The following NRXN3 variants were observed in gnomAD, a reference collection of about 807,000 sequenced individuals.
NRXN3 encodes neurexin 3, also known as neurexin III.
In NRXN3, 32 loss-of-function variants were observed where a neutral mutation model predicts 137.6. That is an observed-to-expected ratio of 0.23 (90% CI 0.18 to 0.31). The LOEUF (loss-of-function observed/expected upper bound fraction) is 0.31, where lower values mean the gene tolerates loss of function less well. Among genes scored for constraint, NRXN3 ranks in the 10% least tolerant of loss-of-function variants. NRXN3 has a pLI of 1.00. For synonymous variants in NRXN3, 798 were observed against 784.5 expected, an observed-to-expected ratio of 1.02 and a Z score of -0.29; for missense variants, 1,574 against 2,062.5, an observed-to-expected ratio of 0.76 and a Z score of 4.59.
chr14:79,159,714 T>C (rs980932222), intron 15 of NRXN3, among the ~76,000 whole-genome samples: 3 of 151,796 alleles, frequency 2.0e-5, no homozygotes, highest in Admixed American at 2.0e-4. Context: ...CACCATAAAT[T>C]TCATGTCTGT....
chr14:78,543,337 G>A (rs1012215563), intron 4 of NRXN3, among the ~76,000 whole-genome samples: 2 of 152,178 alleles, frequency 1.3e-5, no homozygotes, highest in African/African-American at 4.8e-5. Context: ...TTCTAGAGAG[G>A]AAGTCTTGAG....
intron 4 of NRXN3, among the ~76,000 whole-genome samples, chr14:78,335,202 T>C (rs989801637): frequency 6.6e-6 from 1 of 152,198 alleles, no homozygotes; most frequent in Non-Finnish European, 1.5e-5. Context: ...ATAAAAATAA[T>C]TGGGCAATGT....
chr14:79,048,504 T>C (rs2152561825), intron 15 of NRXN3, among the ~76,000 whole-genome samples: 1 of 152,340 alleles, frequency 6.6e-6, no homozygotes, highest in East Asian at 1.9e-4. Flanking sequence ...ATGTTGACAC[T>C]ATTCTGTAGT....
At chr14:79,844,402 A>C (rs1300006162) in intron 20 of NRXN3, among the ~76,000 whole-genome samples, 1 of 151,390 alleles carries the variant, frequency 6.6e-6, no homozygotes, top group Non-Finnish European at 1.5e-5. Context: ...GATCCATTAG[A>C]AGAATCACTA....
chr14:79,303,111 C>T (rs1474113963), intron 15 of NRXN3, among the ~76,000 whole-genome samples: 2 of 151,968 alleles, frequency 1.3e-5, no homozygotes, highest in Non-Finnish European at 2.9e-5. Flanking sequence ...GAATCCAAAC[C>T]CCCAAAGCTT....
Position 79,726,225 on chromosome 14 carries a change from G to A in NRXN3, c.4014+28288G>A, listed in dbSNP as rs78266811. On this transcript the variant is annotated intron_variant, in intron 19 of 20. Coordinates refer to ENST00000335750, the MANE Select transcript of NRXN3 (RefSeq NM_001330195.2). ...AGTCATGTGACTTAGAGAATTAAAT[G>A]TAGGGCTCTAGCAAGGATTTGCTTT... Among the ~76,000 whole-genome samples, 333 of 152,286 alleles carry A rather than the reference G, an allele frequency of 2.2e-3. 8 individuals carry two copies. The East Asian group carries it at 0.04, about 18-fold the overall frequency.
chr14:78,953,570 C>T (rs1242456383), intron 10 of NRXN3, among the ~76,000 whole-genome samples: 2 of 152,126 alleles, frequency 1.3e-5, no homozygotes, highest in African/African-American at 4.8e-5. Context: ...CTCTGTTCTA[C>T]AATAGTAAAC....
At chr14:78,895,552 A>G (rs1459614798) in intron 10 of NRXN3, among the ~76,000 whole-genome samples, 2 of 151,866 alleles carry the variant, frequency 1.3e-5, no homozygotes, top group Non-Finnish European at 2.9e-5. Context: ...TAACTTTCTT[A>G]TCATCTGTGT....
At chr14:78,280,173 A>G (rs571004862) in intron 3 of NRXN3, among the ~76,000 whole-genome samples, 1 of 152,354 alleles carries the variant, frequency 6.6e-6, no homozygotes, top group South Asian at 2.1e-4. Context: ...AACAGAAGAC[A>G]TTCAGTGCCC....
At chr14:79,617,930 A>AAAAAAAAAGAAAAG (rs1385000688) in intron 16 of NRXN3, among the ~76,000 whole-genome samples, 8 of 148,734 alleles carry the variant, frequency 5.4e-5, no homozygotes, top group African/African-American at 2.1e-4. Flanking sequence ...AAAAAAAAAA[A>AAAAAAAAAGAAAAG]AACATGCTTA....
At chr14:78,647,402 G>A (rs1023082876) in intron 5 of NRXN3, among the ~76,000 whole-genome samples, 1 of 152,216 alleles carries the variant, frequency 6.6e-6, no homozygotes, top group African/African-American at 2.4e-5. Flanking sequence ...ATCTTCCGCA[G>A]CCATGTGTGG....
At chr14:78,834,778 T>C (rs889294283) in intron 10 of NRXN3, among the ~76,000 whole-genome samples, 51 of 152,162 alleles carry the variant, frequency 3.4e-4, no homozygotes, top group Admixed American at 3.3e-3. Flanking sequence ...CACACCAGTG[T>C]TGAAAGCAGC....
At chr14:78,595,813 G>A (rs1311293922) in intron 4 of NRXN3, among the ~76,000 whole-genome samples, 2 of 152,114 alleles carry the variant, frequency 1.3e-5, no homozygotes, top group African/African-American at 4.8e-5. Context: ...CTCCATTGAG[G>A]ATGAATAACT....
chr14:79,093,502 C>T (rs1322649138), intron 15 of NRXN3, among the ~76,000 whole-genome samples: 5 of 152,140 alleles, frequency 3.3e-5, no homozygotes, highest in African/African-American at 7.2e-5. Context: ...GATGCTGCTG[C>T]GGATGCTGGG....
intron 4 of NRXN3, among the ~76,000 whole-genome samples, chr14:78,437,791 C>A (rs2153693427): frequency 6.6e-6 from 1 of 152,284 alleles, no homozygotes; most frequent in Non-Finnish European, 1.5e-5. Flanking sequence ...ACCTGGGAAT[C>A]TGCATTTTAA....
chr14:78,210,039 A>G (rs2153410294), intron 1 of NRXN3, among the ~76,000 whole-genome samples: 1 of 152,358 alleles, frequency 6.6e-6, no homozygotes, highest in South Asian at 2.1e-4. Flanking sequence ...GACACATAAT[A>G]AGTGCTTAAT....
intron 19 of NRXN3, among the ~76,000 whole-genome samples, chr14:79,773,899 C>T (rs182239440): frequency 2.1e-4 from 31 of 150,396 alleles, no homozygotes; most frequent in African/African-American, 7.3e-4. Context: ...CTCTGCTCAC[C>T]GGTAGGTTAT....
chr14:78,492,654 C>T (rs942771813), intron 4 of NRXN3, among the ~76,000 whole-genome samples: 1 of 152,142 alleles, frequency 6.6e-6, no homozygotes, highest in East Asian at 1.9e-4. Context: ...TTTACAGATA[C>T]ACTCTACTCC....
chr14:78,568,205 T>A (rs756811083), intron 4 of NRXN3, among the ~76,000 whole-genome samples: 1 of 152,154 alleles, frequency 6.6e-6, no homozygotes, highest in Admixed American at 6.5e-5. Context: ...ACCAATGTGA[T>A]GGTATTAGGA....
Sources: gnomAD v4.1 joint callset for allele counts (sites outside exome capture counted in the v4.1 genomes callset) on GRCh38, gnomAD v4.1.1 for gene constraint, MANE v1.5 for transcripts, NCBI Gene and HGNC (gene_info 2026-07-23, HGNC 2026-07-21) for gene names.